The following MAPK10 variants were observed in gnomAD, a reference collection of about 807,000 sequenced individuals.
The protein encoded by MAPK10 is mitogen-activated protein kinase 10, also known as JNK3 alpha protein kinase.
A neutral mutation model predicts 59.3 loss-of-function variants in MAPK10; 25 were observed. The observed-to-expected ratio is 0.42, with a 90% CI of 0.31 to 0.59. The LOEUF is 0.59. MAPK10 is among the 20% of genes least tolerant of loss of function. The pLI is 0.15. For missense variants in MAPK10, 351 were observed against 568.9 expected (o/e 0.62, Z 3.90); for synonymous variants, 190 against 200.5 (o/e 0.95, Z 0.44).
chr4:86,466,103 T>C (rs1239174483), intron 1 of MAPK10, among the ~76,000 whole-genome samples: 1 of 152,242 alleles, frequency 6.6e-6, no homozygotes, highest in Non-Finnish European at 1.5e-5. Flanking sequence ...ACATGCTTTC[T>C]GGTCTCAGTA....
At chr4:86,153,808 C>G (rs1435119393) in intron 4 of MAPK10, among the ~76,000 whole-genome samples, 2 of 152,060 alleles carry the variant, frequency 1.3e-5, no homozygotes, top group Non-Finnish European at 2.9e-5. Flanking sequence ...TAATTCTGTC[C>G]TATTCTGCTG....
intron 5 of MAPK10, chr4:86,106,952 G>C (rs951157997): frequency 5.2e-6 from 1 of 194,118 alleles, no homozygotes; most frequent in African/African-American, 2.3e-5. Context: ...CTCTCAATTT[G>C]GAGCAAGATA....
At chr4:86,269,990 T>C (rs1223690178) in intron 2 of MAPK10, among the ~76,000 whole-genome samples, 3 of 152,128 alleles carry the variant, frequency 2.0e-5, no homozygotes. Context: ...AAAGGTGTTT[T>C]GAAGATGTTA....
At chr4:86,504,573 A>G (rs1389403220) in intron 1 of MAPK10, among the ~76,000 whole-genome samples, 1 of 152,160 alleles carries the variant, frequency 6.6e-6, no homozygotes, top group Non-Finnish European at 1.5e-5. Flanking sequence ...TCTTACTCAA[A>G]AACATTAGGA....
chr4:86,510,550 T>C (rs994444216), intron 1 of MAPK10, among the ~76,000 whole-genome samples: 1 of 152,094 alleles, frequency 6.6e-6, no homozygotes, highest in Non-Finnish European at 1.5e-5. Context: ...TACACATGAA[T>C]ATATCTATAT....
intron 1 of MAPK10, among the ~76,000 whole-genome samples, chr4:86,578,100 A>G (rs1762029074): frequency 6.6e-6 from 1 of 152,120 alleles, no homozygotes; most frequent in African/African-American, 2.4e-5. Flanking sequence ...TAATTTCCCC[A>G]AGATCAGTGG....
intron 1 of MAPK10, among the ~76,000 whole-genome samples, chr4:86,421,072 A>T (rs1746471886): frequency 1.3e-5 from 2 of 151,602 alleles, no homozygotes; most frequent in African/African-American, 4.9e-5. Flanking sequence ...ACATAGTGAG[A>T]CTCCACCTCA....
intron 4 of MAPK10, among the ~76,000 whole-genome samples, chr4:86,134,928 G>A (rs1157340638): frequency 1.3e-5 from 2 of 152,102 alleles, no homozygotes; most frequent in Non-Finnish European, 2.9e-5. Context: ...GGTGACGGAT[G>A]GCACCTGGAA....
chr4:86,254,633 G>GA (rs1229750823), intron 2 of MAPK10, among the ~76,000 whole-genome samples: 5 of 141,008 alleles, frequency 3.5e-5, no homozygotes, highest in African/African-American at 1.2e-4. Context: ...GTGTGGTGCT[G>GA]AAAAAAATGT....
intron 4 of MAPK10, among the ~76,000 whole-genome samples, chr4:86,154,277 CT>C (rs759267594): frequency 2.0e-5 from 3 of 151,988 alleles, no homozygotes; most frequent in Non-Finnish European, 2.9e-5. Flanking sequence ...TTAGCTGGCC[CT>C]GTGAAATTGT....
At chr4:86,391,434 T>C (rs1025989773) in intron 1 of MAPK10, among the ~76,000 whole-genome samples, 3 of 152,172 alleles carry the variant, frequency 2.0e-5, no homozygotes, top group Non-Finnish European at 4.4e-5. Flanking sequence ...ACATGCAACG[T>C]TTTTAACTGT....
intron 1 of MAPK10, among the ~76,000 whole-genome samples, chr4:86,420,210 G>A (rs886874275): frequency 1.3e-5 from 2 of 152,200 alleles, no homozygotes; most frequent in African/African-American, 4.8e-5. Context: ...GTTGACTGTT[G>A]TGGTCACCTG....
chr4:86,350,023 T>C (rs1005216576), intron 2 of MAPK10, among the ~76,000 whole-genome samples: 3 of 152,052 alleles, frequency 2.0e-5, no homozygotes, highest in Non-Finnish European at 1.5e-5. Context: ...GTATCTAAAA[T>C]GGGGATGGAT....
intron 10 of MAPK10, among the ~76,000 whole-genome samples, chr4:86,067,546 T>C (rs529745780): frequency 5.9e-5 from 9 of 152,306 alleles, no homozygotes; most frequent in African/African-American, 1.9e-4. Flanking sequence ...AATTAAAGAA[T>C]TGATCAATGT....
intron 1 of MAPK10, among the ~76,000 whole-genome samples, chr4:86,512,319 T>A (rs891731080): frequency 6.6e-6 from 1 of 152,202 alleles, no homozygotes; most frequent in African/African-American, 2.4e-5. Flanking sequence ...TTTCTCTTTA[T>A]AACAGAATAC....
intron 4 of MAPK10, among the ~76,000 whole-genome samples, chr4:86,128,546 T>A (rs1480969552): frequency 6.6e-6 from 1 of 152,088 alleles, no homozygotes; most frequent in Non-Finnish European, 1.5e-5. Flanking sequence ...GATTGTAATT[T>A]TCCTGAAGGC....
intron 2 of MAPK10, among the ~76,000 whole-genome samples, chr4:86,262,468 C>T (rs888885356): frequency 1.3e-5 from 2 of 152,088 alleles, no homozygotes; most frequent in Non-Finnish European, 2.9e-5. Flanking sequence ...GAGTTTAGGG[C>T]AAAGTAATGG....
At chr4:86,184,693 C>A (rs1249055554) in intron 3 of MAPK10, among the ~76,000 whole-genome samples, 2 of 152,076 alleles carry the variant, frequency 1.3e-5, no homozygotes, top group Non-Finnish European at 2.9e-5. Context: ...ACCTTCCCTG[C>A]TTTCTCTCTT....
chr4:86,247,824 T>A (rs11932102), intron 2 of MAPK10, among the ~76,000 whole-genome samples: 2,720 of 152,268 alleles, frequency 0.018, 103 homozygotes, highest in African/African-American at 0.061. Context: ...GGGAAAAACA[T>A]GGTCAGCAGC....
Sources: gnomAD v4.1 joint callset for allele counts (sites outside exome capture counted in the v4.1 genomes callset) on GRCh38, gnomAD v4.1.1 for gene constraint, MANE v1.5 for transcripts, NCBI Gene and HGNC (gene_info 2026-07-23, HGNC 2026-07-21) for gene names.